Variants in ATRN observed in about 807,000 individuals in gnomAD.
The protein encoded by ATRN is attractin-2.
A neutral mutation model predicts 178.7 loss-of-function variants in ATRN; 54 were observed. The ratio of observed to expected loss-of-function variants is 0.30; its 90% CI spans 0.24 to 0.38. The LOEUF (loss-of-function observed/expected upper bound fraction) is 0.38. Ranked by LOEUF, ATRN falls within the 10% of genes least tolerant of loss-of-function variation. The pLI is 1.00. For synonymous variants in ATRN, 636 were observed against 663.0 expected, an observed-to-expected ratio of 0.96 and a Z score of 0.63; for missense variants, 1,443 against 1,815.1, an observed-to-expected ratio of 0.79 and a Z score of 3.73.
intron 11 of ATRN, among the ~76,000 whole-genome samples, chr20:3,571,288 G>C (rs149705214): frequency 2.0e-5 from 3 of 152,320 alleles, no homozygotes; most frequent in Non-Finnish European, 4.4e-5. Context: ...TCATCCCCAA[G>C]GTCTGATTTT....
intron 1 of ATRN, among the ~76,000 whole-genome samples, chr20:3,524,958 A>C (rs2085344831): frequency 6.6e-6 from 1 of 152,330 alleles, no homozygotes; most frequent in South Asian, 2.1e-4. Context: ...AAAGCAGGAA[A>C]GATCTAAAAT....
intron 1 of ATRN, among the ~76,000 whole-genome samples, chr20:3,481,218 T>C (rs2084615764): frequency 6.6e-6 from 1 of 152,234 alleles, no homozygotes; most frequent in African/African-American, 2.4e-5. Flanking sequence ...CTTGCTTTTT[T>C]CCCACTTTTC....
At chr20:3,603,431 G>C (rs914874259) in intron 23 of ATRN, among the ~76,000 whole-genome samples, 19 of 151,968 alleles carry the variant, frequency 1.3e-4, no homozygotes, top group Admixed American at 6.6e-5. Flanking sequence ...CACCTGTTTG[G>C]GGGTGGGGCA....
At chr20:3,480,954 C>T (rs1450137131) in intron 1 of ATRN, among the ~76,000 whole-genome samples, 1 of 152,110 alleles carries the variant, frequency 6.6e-6, no homozygotes, top group Non-Finnish European at 1.5e-5. Context: ...TATAGTTGTA[C>T]TTTTTGAAAT....
Position 3,490,211 on chromosome 20 carries a change from A to C in ATRN, c.410+18694A>C, listed in dbSNP as rs967365839. The stretch of plus-strand genomic sequence containing the variant: ...CTACGGTCCGCCACATTTCAAGCCT[A>C]AAGCTAAGAGAGCAGATTTCAATCT... On this transcript the variant is annotated intron_variant, in intron 1 of 28. Coordinates refer to ENST00000262919, the MANE Select transcript of ATRN (RefSeq NM_139321.3). The C allele has an allele frequency of 8.4e-5, 128 of 1,522,626 alleles. No homozygotes were observed. The Middle Eastern group carries it at 1.1e-3, about 13-fold the overall frequency. 94.3% of individuals were successfully genotyped at this position (1,522,626 alleles called of 1,614,324 possible).
intron 1 of ATRN, among the ~76,000 whole-genome samples, chr20:3,518,284 T>C (rs954935802): frequency 2.6e-5 from 4 of 152,100 alleles, no homozygotes; most frequent in African/African-American, 9.7e-5. Flanking sequence ...TACCGGTTGC[T>C]CCCCTGCCTG....
chr20:3,562,879 T>C (rs1316818839), intron 9 of ATRN, among the ~76,000 whole-genome samples: 1 of 152,226 alleles, frequency 6.6e-6, no homozygotes, highest in Non-Finnish European at 1.5e-5. Flanking sequence ...GTGAAAGTTT[T>C]GGTTTCTTTC....
At chr20:3,617,034 G>T (rs2146308780) in intron 24 of ATRN, among the ~76,000 whole-genome samples, 1 of 152,242 alleles carries the variant, frequency 6.6e-6, no homozygotes, top group South Asian at 2.1e-4. Flanking sequence ...GTATATAGTT[G>T]TTAGTATAAG....
rs1286756232 is a variant in ATRN at position 3,646,747 on chromosome 20, T to C, written c.4190T>C (p.Val1397Ala). 6 of 1,604,738 alleles carry C rather than the reference T, an allele frequency of 3.7e-6. No homozygotes were observed. Among genetic ancestry groups the C allele is most frequent in the Admixed American group, 1.7e-5 (1 of 58,822 alleles). Residue 1397 changes from valine to alanine, a missense_variant, in exon 29 of 29, where the codon GTG (valine) becomes GCG (alanine). Val to Ala is a moderately conservative substitution (Grantham distance 64). This residue lies in a region of ATRN where 289 missense variants were observed against 440.8 expected (regional missense o/e 0.66). Coordinates refer to ENST00000262919, the MANE Select transcript of ATRN (RefSeq NM_139321.3). ...QSGLAVASALVDISQQMPIVY... is the reference protein window; with the variant it reads ...QSGLAVASALADISQQMPIVY... ...GGTCTTGCTGTGGCCAGCGCCCTGGTGGACATTTCTCAGCAGATGCCGATA... is the reference window on the plus strand; with the variant it reads ...GGTCTTGCTGTGGCCAGCGCCCTGGCGGACATTTCTCAGCAGATGCCGATA...
intron 1 of ATRN, among the ~76,000 whole-genome samples, chr20:3,496,702 G>A (rs1469736320): frequency 6.6e-6 from 1 of 152,088 alleles, no homozygotes; most frequent in African/African-American, 2.4e-5. Context: ...CAATTCCTGT[G>A]TATCCTTGTT....
intron 3 of ATRN, among the ~76,000 whole-genome samples, chr20:3,543,808 G>C (rs941544361): frequency 3.3e-5 from 5 of 152,078 alleles, no homozygotes; most frequent in Admixed American, 2.6e-4. Context: ...CGAGGCAGGA[G>C]AATTACTTGA....
Position 3,600,991 on chromosome 20 carries a change from A to T in ATRN, c.3610A>T (p.Asn1204Tyr), listed in dbSNP as rs1361296454. The stretch of plus-strand genomic sequence containing the variant: ...GTTCATCAATGCCTCCAAGAATTTC[A>T]ACCTCAACATCACCTGGGCTGCCAG... ...DMFINASKNFNLNITWAASFS... is the reference protein window; with the variant it reads ...DMFINASKNFYLNITWAASFS... Residue 1204 changes from asparagine (N) to tyrosine (Y), a missense_variant, in exon 23 of 29, where the codon AAC becomes TAC. This residue lies in a region of ATRN where 289 missense variants were observed against 440.8 expected (regional missense o/e 0.66). Transcript: ENST00000262919. 6.2e-7 allele frequency: 1 copy of T among 1,613,824 alleles called. No homozygotes were observed.
At chr20:3,550,238 G>C (rs1427855633) in intron 6 of ATRN, among the ~76,000 whole-genome samples, 1 of 152,198 alleles carries the variant, frequency 6.6e-6, no homozygotes, top group Non-Finnish European at 1.5e-5. Context: ...TGAGATGGGA[G>C]AATTGCTTGA....
chr20:3,535,386 G>C (rs773465355), intron 2 of ATRN, 50 bp downstream of exon 2: 1 of 1,019,950 alleles, frequency 9.8e-7, no homozygotes, highest in South Asian at 2.0e-5. Context: ...ATAGAAGTCA[G>C]TGTGACATTA....
chr20:3,630,220 C>T (rs1222072392), intron 25 of ATRN, among the ~76,000 whole-genome samples: 1 of 152,198 alleles, frequency 6.6e-6, no homozygotes, highest in Non-Finnish European at 1.5e-5. Context: ...CCTTGTTCCT[C>T]ACTCCTGTAG....
chr20:3,548,655 A>G (rs2085743327), intron 5 of ATRN, among the ~76,000 whole-genome samples: 3 of 151,996 alleles, frequency 2.0e-5, no homozygotes, highest in Admixed American at 2.0e-4. Context: ...TATGAAAACA[A>G]CCATTTACAT....
At chr20:3,610,376 A>G (rs1162423941) in intron 24 of ATRN, among the ~76,000 whole-genome samples, 1 of 152,126 alleles carries the variant, frequency 6.6e-6, no homozygotes, top group Non-Finnish European at 1.5e-5. Flanking sequence ...CTATAGGTAG[A>G]TCCCAGAAAT....
At chr20:3,527,963 A>G (rs2085393531) in intron 1 of ATRN, among the ~76,000 whole-genome samples, 2 of 152,122 alleles carry the variant, frequency 1.3e-5, no homozygotes, top group Non-Finnish European at 2.9e-5. Context: ...AGAAATACCT[A>G]ATGTAGATGA....
At chr20:3,513,070 C>G (rs1050903253) in intron 1 of ATRN, among the ~76,000 whole-genome samples, 2 of 152,158 alleles carry the variant, frequency 1.3e-5, no homozygotes, top group Non-Finnish European at 2.9e-5. Flanking sequence ...CCTGTTCACT[C>G]TGATGGTAGT....
Sources: allele counts gnomAD v4.1 joint callset (sites outside exome capture counted in the v4.1 genomes callset), GRCh38; gene constraint gnomAD v4.1.1; regional missense constraint gnomAD v4.1.1; transcripts MANE v1.5; gene names NCBI Gene and HGNC (gene_info 2026-07-23, HGNC 2026-07-21).